NRG3: variants seen among roughly 807,000 people sequenced by gnomAD.
NRG3 encodes the protein pro-neuregulin-3, membrane-bound isoform.
A neutral mutation model predicts 66.9 loss-of-function variants in NRG3; 31 were observed. The observed-to-expected ratio is 0.46, with a 90% CI of 0.35 to 0.63. The LOEUF (loss-of-function observed/expected upper bound fraction) is 0.63, where lower values mean the gene tolerates loss of function less well. Ranked by LOEUF, NRG3 falls within the 20% of genes least tolerant of loss-of-function variation. NRG3 has a pLI of 0.00. For synonymous variants in NRG3, 393 were observed against 359.4 expected, an observed-to-expected ratio of 1.09 and a Z score of -1.06; for missense variants, 910 against 878.9, an observed-to-expected ratio of 1.04 and a Z score of -0.45.
At chr10:82,270,716 G>T (rs1279177025) in intron 1 of NRG3, among the ~76,000 whole-genome samples, 1 of 152,054 alleles carries the variant, frequency 6.6e-6, no homozygotes, top group Non-Finnish European at 1.5e-5. Flanking sequence ...GAGATGACAA[G>T]AATTCTGGGG....
intron 2 of NRG3, among the ~76,000 whole-genome samples, chr10:82,568,192 T>A (rs1011822332): frequency 5.3e-5 from 8 of 151,856 alleles, no homozygotes; most frequent in African/African-American, 9.7e-5. Flanking sequence ...AGGAGTATTC[T>A]TGATAAGGAA....
At chr10:81,876,837 T>A (rs1031892278) in intron 1 of NRG3, among the ~76,000 whole-genome samples, 2 of 151,928 alleles carry the variant, frequency 1.3e-5, no homozygotes, top group African/African-American at 4.8e-5. Context: ...GGTGTAGACA[T>A]AGATTCTGTG....
intron 2 of NRG3, among the ~76,000 whole-genome samples, chr10:82,561,358 A>G (rs1252309811): frequency 6.6e-6 from 1 of 152,166 alleles, no homozygotes; most frequent in Non-Finnish European, 1.5e-5. Context: ...TTTAAAATGT[A>G]TTGAAATATT....
intron 4 of NRG3, among the ~76,000 whole-genome samples, chr10:82,879,701 C>A (rs751017886): frequency 6.6e-6 from 1 of 152,038 alleles, no homozygotes; most frequent in Non-Finnish European, 1.5e-5. Context: ...TGGTCTCGAT[C>A]TCCTGACCTC....
chr10:82,270,779 C>T (rs2078551748), intron 1 of NRG3, among the ~76,000 whole-genome samples: 1 of 152,076 alleles, frequency 6.6e-6, no homozygotes. Flanking sequence ...TGAGCAGTAT[C>T]TACTGTAGAC....
intron 1 of NRG3, among the ~76,000 whole-genome samples, chr10:82,320,752 C>G (rs909094176): frequency 2.6e-5 from 4 of 152,096 alleles, no homozygotes; most frequent in Non-Finnish European, 1.5e-5. Flanking sequence ...GGTTCCCCAG[C>G]AAAGTCCCCA....
At chr10:82,428,125 G>T (rs577724025) in intron 2 of NRG3, among the ~76,000 whole-genome samples, 1 of 151,684 alleles carries the variant, frequency 6.6e-6, no homozygotes, top group South Asian at 2.1e-4. Flanking sequence ...TTTCAATTTG[G>T]TCGATCTTTT....
At chr10:82,043,370 AC>A (rs949100792) in intron 1 of NRG3, among the ~76,000 whole-genome samples, 22 of 151,976 alleles carry the variant, frequency 1.4e-4, no homozygotes, top group African/African-American at 5.3e-4. Context: ...TCAGAATAAA[AC>A]TTTTTTTTAA....
intron 2 of NRG3, among the ~76,000 whole-genome samples, chr10:82,429,804 T>G (rs2089679356): frequency 6.6e-6 from 1 of 152,170 alleles, no homozygotes; most frequent in Non-Finnish European, 1.5e-5. Flanking sequence ...TTTCTGTTCA[T>G]TTTTCTTTAT....
At chr10:82,744,961 G>C (rs1341654010) in intron 3 of NRG3, among the ~76,000 whole-genome samples, 1 of 152,134 alleles carries the variant, frequency 6.6e-6, no homozygotes, top group Admixed American at 6.5e-5. Context: ...ACAAGGCACT[G>C]AGACAGGTGC....
intron 2 of NRG3, among the ~76,000 whole-genome samples, chr10:82,455,597 A>C (rs1285715627): frequency 2.0e-5 from 3 of 151,140 alleles, no homozygotes; most frequent in South Asian, 4.2e-4. Flanking sequence ...AACACTGGGC[A>C]CTTAGATTAC....
intron 4 of NRG3, among the ~76,000 whole-genome samples, chr10:82,939,394 C>A (rs1206409830): frequency 6.6e-6 from 1 of 152,072 alleles, no homozygotes; most frequent in Non-Finnish European, 1.5e-5. Context: ...TATAGAGTAT[C>A]AACATTATTA....
At chr10:82,326,445 A>T (rs2081876990) in intron 1 of NRG3, among the ~76,000 whole-genome samples, 1 of 151,326 alleles carries the variant, frequency 6.6e-6, no homozygotes, top group Non-Finnish European at 1.5e-5. Context: ...TGGGTTTATA[A>T]TTTTCATGAT....
At chr10:82,261,887 T>C (rs2078050600) in intron 1 of NRG3, among the ~76,000 whole-genome samples, 1 of 152,164 alleles carries the variant, frequency 6.6e-6, no homozygotes, top group Non-Finnish European at 1.5e-5. Context: ...CACGAACATG[T>C]CACGGTGCTG....
chr10:82,918,596 T>G (rs1487361506), intron 4 of NRG3, among the ~76,000 whole-genome samples: 1 of 152,174 alleles, frequency 6.6e-6, no homozygotes, highest in African/African-American at 2.4e-5. Context: ...GCAAGTTGAT[T>G]AATGGATATG....
chr10:81,987,268 A>G (rs2060562553), intron 1 of NRG3, among the ~76,000 whole-genome samples: 1 of 152,186 alleles, frequency 6.6e-6, no homozygotes. Flanking sequence ...TATTTTTAGT[A>G]GAGACCTGGT....
At chr10:82,113,168 A>G (rs1235086858) in intron 1 of NRG3, among the ~76,000 whole-genome samples, 4 of 152,234 alleles carry the variant, frequency 2.6e-5, no homozygotes, top group Admixed American at 2.0e-4. Flanking sequence ...TGCTCCAGGC[A>G]GTGGGCTAAA....
At chr10:82,704,327 T>C (rs2056128827) in intron 2 of NRG3, among the ~76,000 whole-genome samples, 1 of 152,164 alleles carries the variant, frequency 6.6e-6, no homozygotes, top group Non-Finnish European at 1.5e-5. Context: ...GGCCAACATC[T>C]AAGTGTGCAA....
chr10:82,236,616 G>C (rs906588118), intron 1 of NRG3, among the ~76,000 whole-genome samples: 6 of 149,678 alleles, frequency 4.0e-5, no homozygotes, highest in African/African-American at 1.5e-4. Flanking sequence ...TCAGTCATCT[G>C]TTTAACCCAA....
Sources: allele counts gnomAD v4.1 joint callset (sites outside exome capture counted in the v4.1 genomes callset), GRCh38; gene constraint gnomAD v4.1.1; transcripts MANE v1.5; gene names NCBI Gene and HGNC (gene_info 2026-07-23, HGNC 2026-07-21).